CADPS: variants seen among roughly 807,000 people sequenced by gnomAD.
CADPS encodes the protein calcium dependent secretion activator.
CADPS carries 57 observed loss-of-function variants against 167.3 expected under a neutral mutation model. The ratio of observed to expected loss-of-function variants is 0.34; its 90% CI spans 0.28 to 0.42. The LOEUF (loss-of-function observed/expected upper bound fraction) is 0.42. Among genes scored for constraint, CADPS ranks in the 20% least tolerant of loss-of-function variants. CADPS has a pLI of 1.00. For missense variants in CADPS, 1,414 were observed against 1,738.1 expected (o/e 0.81, Z 3.32); for synonymous variants, 676 against 635.3 (o/e 1.06, Z -0.96).
chr3:62,733,301 T>C (rs2078298511), intron 3 of CADPS, among the ~76,000 whole-genome samples: 2 of 152,206 alleles, frequency 1.3e-5, no homozygotes, highest in Non-Finnish European at 2.9e-5. Flanking sequence ...AGAAATGTAA[T>C]GAAGGCAAAG....
chr3:62,868,466 G>A (rs1364699227), intron 1 of CADPS, among the ~76,000 whole-genome samples: 3 of 152,042 alleles, frequency 2.0e-5, no homozygotes, highest in Admixed American at 6.6e-5. Context: ...CAGGCCCAGT[G>A]TTGTCATATC....
intron 6 of CADPS, among the ~76,000 whole-genome samples, chr3:62,641,908 A>G (rs537003428): frequency 6.6e-6 from 1 of 152,316 alleles, no homozygotes; most frequent in South Asian, 2.1e-4. Context: ...AATATATTTA[A>G]CTAATGAACG....
At chr3:62,662,460 T>C (rs1324924646) in intron 3 of CADPS, 66 bp from the exon 4 acceptor site, 41 of 1,353,078 alleles carry the variant, frequency 3.0e-5, no homozygotes, top group Admixed American at 3.4e-5. Context: ...CTCAGGACAT[T>C]CCATTTTATA....
intron 6 of CADPS, among the ~76,000 whole-genome samples, chr3:62,621,897 C>CTT (rs3080563): frequency 0.62 from 91,422 of 147,420 alleles, 28,836 homozygotes; most frequent in Non-Finnish European, 0.69. Flanking sequence ...CTACTTACTT[C>CTT]TTTTTTTTTT....
intron 1 of CADPS, among the ~76,000 whole-genome samples, chr3:62,845,261 G>C (rs1322664812): frequency 6.6e-6 from 1 of 152,128 alleles, no homozygotes. Context: ...TTGGAAGACC[G>C]AGCTGCATAT....
intron 1 of CADPS, among the ~76,000 whole-genome samples, chr3:62,773,733 T>C (rs929382949): frequency 1.3e-5 from 2 of 151,470 alleles, no homozygotes; most frequent in Non-Finnish European, 3.0e-5. Flanking sequence ...TGTTCTATCC[T>C]CTTGCATACC....
intron 7 of CADPS, among the ~76,000 whole-genome samples, chr3:62,591,458 C>T (rs1281054356): frequency 6.6e-6 from 1 of 152,066 alleles, no homozygotes; most frequent in Admixed American, 6.6e-5. Context: ...GAAATGACAA[C>T]AGATAGAAAG....
At chr3:62,636,840 A>G (rs1029443751) in intron 6 of CADPS, among the ~76,000 whole-genome samples, 1 of 152,064 alleles carries the variant, frequency 6.6e-6, no homozygotes, top group African/African-American at 2.4e-5. Flanking sequence ...TAGTTCTTTT[A>G]TCATCAAATC....
intron 13 of CADPS, among the ~76,000 whole-genome samples, chr3:62,524,281 T>C (rs1475603943): frequency 6.6e-6 from 1 of 152,164 alleles, no homozygotes; most frequent in African/African-American, 2.4e-5. Flanking sequence ...GTTTGTACAA[T>C]CCTATGTTAA....
intron 23 of CADPS, among the ~76,000 whole-genome samples, chr3:62,475,959 G>A (rs1019858661): frequency 1.3e-5 from 2 of 152,272 alleles, no homozygotes; most frequent in African/African-American, 4.8e-5. Context: ...GTGAAAAGAG[G>A]AAGCTGAATG....
At chr3:62,521,703 A>G (rs2070640478) in intron 13 of CADPS, among the ~76,000 whole-genome samples, 1 of 152,158 alleles carries the variant, frequency 6.6e-6, no homozygotes, top group African/African-American at 2.4e-5. Context: ...CCTGACTGTG[A>G]ATATTCTGGT....
At chr3:62,530,521 C>T in intron 13 of CADPS, 1 of 476,074 alleles carries the variant, frequency 2.1e-6, no homozygotes, top group Non-Finnish European at 2.9e-6. Flanking sequence ...TAAAATTGCA[C>T]CTTTGAAAAT....
chr3:62,738,987 T>G (rs2152277143), intron 3 of CADPS, among the ~76,000 whole-genome samples: 1 of 152,318 alleles, frequency 6.6e-6, no homozygotes, highest in African/African-American at 2.4e-5. Context: ...GATTCAAAAG[T>G]GGCCATAACC....
chr3:62,853,116 T>A (rs901875674), intron 1 of CADPS, among the ~76,000 whole-genome samples: 3 of 152,168 alleles, frequency 2.0e-5, no homozygotes, highest in Non-Finnish European at 2.9e-5. Flanking sequence ...ATGAGCTGAA[T>A]TCCTAAGTGA....
rs72887739 is a variant in CADPS, at chr3:62,459,292, G to C, written c.3636+6075C>G. Among the ~76,000 whole-genome samples the C allele has an allele frequency of 5.0e-3, 755 of 152,262 alleles. 8 individuals are homozygous for C. Among genetic ancestry groups the C allele is most frequent in the African/African-American group, 0.017 (697 of 41,544 alleles). On this transcript the variant is annotated intron_variant, in intron 26 of 29. Transcript: ENST00000383710. ...CCCAGCTGGCTTATAACAGGGAGCT[G>C]GTCTCTCTGTGACCTCGCTTAACTT... is the stretch of plus-strand genomic sequence containing the variant.
chr3:62,422,099 T>C (rs540244383), intron 28 of CADPS, among the ~76,000 whole-genome samples: 4 of 152,338 alleles, frequency 2.6e-5, no homozygotes, highest in African/African-American at 9.6e-5. Flanking sequence ...CACCAACAAA[T>C]GCAAGCAGGC....
At chr3:62,784,813 G>A (rs2092248371) in intron 1 of CADPS, among the ~76,000 whole-genome samples, 1 of 151,566 alleles carries the variant, frequency 6.6e-6, no homozygotes, top group African/African-American at 2.4e-5. Flanking sequence ...GATACACAAG[G>A]GCCATATCAA....
At chr3:62,629,199 G>T (rs1207249470) in intron 6 of CADPS, among the ~76,000 whole-genome samples, 1 of 151,976 alleles carries the variant, frequency 6.6e-6, no homozygotes, top group Non-Finnish European at 1.5e-5. Flanking sequence ...TAAATTTATA[G>T]CATTGTGCCA....
At chr3:62,494,580 A>G (rs2064311900) in intron 18 of CADPS, among the ~76,000 whole-genome samples, 1 of 152,154 alleles carries the variant, frequency 6.6e-6, no homozygotes, top group African/African-American at 2.4e-5. Flanking sequence ...GACAGGAAAA[A>G]ACAAAACAAA....
Sources: allele counts gnomAD v4.1 joint callset (sites outside exome capture counted in the v4.1 genomes callset), GRCh38; gene constraint gnomAD v4.1.1; transcripts MANE v1.5; gene names NCBI Gene and HGNC (gene_info 2026-07-23, HGNC 2026-07-21).